FMN1: variants seen among roughly 807,000 people sequenced by gnomAD.
FMN1 encodes formin-1.
A neutral mutation model predicts 132.4 loss-of-function variants in FMN1; 110 were observed. The ratio of observed to expected loss-of-function variants is 0.83; its 90% CI spans 0.71 to 0.97. The LOEUF (loss-of-function observed/expected upper bound fraction) is 0.97. Among genes scored for constraint, FMN1 ranks in the 50% least tolerant of loss-of-function variants. The pLI is 0.00. For synonymous variants in FMN1, 722 were observed against 651.7 expected, an observed-to-expected ratio of 1.11 and a Z score of -1.64; for missense variants, 1,792 against 1,705.3, an observed-to-expected ratio of 1.05 and a Z score of -0.90.
intron 6 of FMN1, among the ~76,000 whole-genome samples, chr15:33,015,226 A>T (rs1382316814): frequency 6.6e-6 from 1 of 152,188 alleles, no homozygotes; most frequent in East Asian, 1.9e-4. Context: ...GCCTCTGTAA[A>T]CTTCAAAGTT....
rs1595876122 is a variant in FMN1 at position 32,769,944 on chromosome 15, G to T, written c.*4366C>A. 1.3e-5 allele frequency: 2 copies of T among 152,064 alleles called. No individual in the cohort carries two copies. Among genetic ancestry groups the T allele is most frequent in the Admixed American group, 1.3e-4 (2 of 15,272 alleles). The allele number at this position is 152,064 out of a possible 1,614,324, so 9.4% of individuals were successfully genotyped here. The stretch of plus-strand genomic sequence containing the variant: ...TTTTATTAGGACAGACAGGATAAAA[G>T]AAAAATGAAGCTCAAATATAACTGA... On this transcript the variant is annotated 3_prime_UTR_variant, in exon 21 of 21. Transcript: ENST00000616417.
At chr15:32,961,015 A>G (rs951802041) in intron 9 of FMN1, among the ~76,000 whole-genome samples, 1 of 150,858 alleles carries the variant, frequency 6.6e-6, no homozygotes, top group Non-Finnish European at 1.5e-5. Flanking sequence ...AAAAAAAAAA[A>G]AAAAGGCAGG....
intron 6 of FMN1, among the ~76,000 whole-genome samples, chr15:33,036,781 A>T (rs540551414): frequency 1.3e-5 from 2 of 152,352 alleles, no homozygotes; most frequent in East Asian, 3.9e-4. Context: ...GCAGATGAAA[A>T]ACACAACGTT....
intron 4 of FMN1, among the ~76,000 whole-genome samples, chr15:33,108,698 A>G (rs1196423205): frequency 6.6e-6 from 1 of 152,104 alleles, no homozygotes; most frequent in Non-Finnish European, 1.5e-5. Context: ...ACTATATCCT[A>G]TTCCTCTTTT....
intron 7 of FMN1, among the ~76,000 whole-genome samples, chr15:32,985,080 GA>G (rs1369694667): frequency 6.6e-6 from 1 of 151,002 alleles, no homozygotes; most frequent in Non-Finnish European, 1.5e-5. Flanking sequence ...AATGTTGCGC[GA>G]AAGGATTAGC....
chr15:32,952,497 A>T (rs1351861121), intron 9 of FMN1, among the ~76,000 whole-genome samples: 1 of 152,228 alleles, frequency 6.6e-6, no homozygotes, highest in Non-Finnish European at 1.5e-5. Context: ...GAAGCAAACC[A>T]CACCCAAGGT....
intron 4 of FMN1, among the ~76,000 whole-genome samples, chr15:33,113,159 T>C (rs2039777504): frequency 1.3e-5 from 2 of 152,218 alleles, no homozygotes; most frequent in African/African-American, 4.8e-5. Flanking sequence ...TTGGATGCTT[T>C]GTGGCCAAAG....
intron 19 of FMN1, among the ~76,000 whole-genome samples, chr15:32,779,885 T>G (rs1290065720): frequency 6.6e-6 from 1 of 152,142 alleles, no homozygotes; most frequent in African/African-American, 2.4e-5. Flanking sequence ...ATGAACTAGA[T>G]CTACAAATTC....
At chr15:32,823,635 G>T (rs555988777) in intron 17 of FMN1, among the ~76,000 whole-genome samples, 1 of 152,200 alleles carries the variant, frequency 6.6e-6, no homozygotes, top group South Asian at 2.1e-4. Flanking sequence ...CATGTTTTGA[G>T]CATTTTTAAA....
intron 18 of FMN1, among the ~76,000 whole-genome samples, chr15:32,802,659 C>G (rs72717656): frequency 0.12 from 17,806 of 152,228 alleles, 1,113 homozygotes; most frequent in Middle Eastern, 0.16. Flanking sequence ...GTTTCGGCCC[C>G]TCCACGCTGG....
At chr15:32,854,196 G>GT (rs2059073102) in intron 17 of FMN1, among the ~76,000 whole-genome samples, 1 of 152,050 alleles carries the variant, frequency 6.6e-6, no homozygotes, top group African/African-American at 2.4e-5. Context: ...TATTTGACAT[G>GT]TTTTTTCTGC....
chr15:32,888,900 C>T (rs2059959567), intron 15 of FMN1, among the ~76,000 whole-genome samples: 1 of 150,926 alleles, frequency 6.6e-6, no homozygotes, highest in Admixed American at 6.6e-5. Flanking sequence ...GCTTTGTCAC[C>T]CAGGCTTGAG....
rs150671079 is a variant in FMN1 at position 32,802,721 on chromosome 15, C to T, written c.3980+1560G>A. 2.6e-3 allele frequency among the ~76,000 whole-genome samples: 390 copies of T among 152,324 alleles called. 1 individual carries two copies. Among genetic ancestry groups the T allele is most frequent in the Middle Eastern group, 6.8e-3 (2 of 294 alleles). Reference sequence around the variant, plus strand: ...TGAAAAAGTATTAGAAATTTGACATCCGCCCCAGAAGCTGAATTTCTGTTT... The same window carrying T: ...TGAAAAAGTATTAGAAATTTGACATTCGCCCCAGAAGCTGAATTTCTGTTT... On this transcript the variant is annotated intron_variant, in intron 18 of 20. Coordinates refer to ENST00000616417, the MANE Select transcript of FMN1 (RefSeq NM_001277313.2).
intron 9 of FMN1, among the ~76,000 whole-genome samples, chr15:32,941,023 C>A (rs2061389786): frequency 7.6e-6 from 1 of 130,956 alleles, no homozygotes; most frequent in Non-Finnish European, 1.5e-5. Flanking sequence ...TCCCCAAAAG[C>A]CCCGGCCCAC....
At chr15:32,829,919 C>A (rs1017384672) in intron 17 of FMN1, among the ~76,000 whole-genome samples, 1 of 152,130 alleles carries the variant, frequency 6.6e-6, no homozygotes, top group South Asian at 2.1e-4. Flanking sequence ...ATTTCTCCCA[C>A]GTGGCAGAGT....
At chr15:32,858,545 C>T (rs188392034) in intron 16 of FMN1, among the ~76,000 whole-genome samples, 1 of 152,310 alleles carries the variant, frequency 6.6e-6, no homozygotes, top group South Asian at 2.1e-4. Flanking sequence ...AATTCAAGCT[C>T]TATCTATTGA....
intron 9 of FMN1, among the ~76,000 whole-genome samples, chr15:32,963,474 A>G (rs1401227102): frequency 6.6e-6 from 1 of 152,144 alleles, no homozygotes. Context: ...GTGCACATGT[A>G]CCCTAAAACT....
At chr15:33,104,202 G>A (rs2039398229) in intron 4 of FMN1, among the ~76,000 whole-genome samples, 1 of 152,122 alleles carries the variant, frequency 6.6e-6, no homozygotes, top group Non-Finnish European at 1.5e-5. Flanking sequence ...GGTAAGAAAT[G>A]ATAAGATGCA....
chr15:32,856,448 G>C (rs1373775762), intron 17 of FMN1, among the ~76,000 whole-genome samples: 1 of 152,218 alleles, frequency 6.6e-6, no homozygotes, highest in African/African-American at 2.4e-5. Context: ...AGATTTCAAA[G>C]AAAGTGTGGA....
Sources: gnomAD v4.1 joint callset for allele counts (sites outside exome capture counted in the v4.1 genomes callset) on GRCh38, gnomAD v4.1.1 for gene constraint, MANE v1.5 for transcripts, NCBI Gene and HGNC (gene_info 2026-07-23, HGNC 2026-07-21) for gene names.